The following RSF1 variants were observed in gnomAD, a reference collection of about 807,000 sequenced individuals.
The protein encoded by RSF1 is HBV pX-associated protein 8.
A neutral mutation model predicts 145.2 loss-of-function variants in RSF1; 13 were observed. The ratio of observed to expected loss-of-function variants is 0.09; its 90% CI spans 0.06 to 0.14. The LOEUF (loss-of-function observed/expected upper bound fraction) is 0.14, where lower values mean the gene tolerates loss of function less well. Ranked by LOEUF, RSF1 falls within the 10% of genes least tolerant of loss-of-function variation. The pLI is 1.00. For synonymous variants in RSF1, 577 were observed against 592.6 expected (o/e 0.97, Z 0.38); for missense variants, 1,517 against 1,718.2 (o/e 0.88, Z 2.07).
At chr11:77,692,834 C>T (rs567285842) in intron 8 of RSF1, among the ~76,000 whole-genome samples, 4 of 151,926 alleles carry the variant, frequency 2.6e-5, no homozygotes, top group Non-Finnish European at 5.9e-5. Context: ...TGTGCCACCA[C>T]GCCCAGATAA....
chr11:77,856,336 C>T, the RSF1 span, among the ~76,000 whole-genome samples: 5 of 152,194 alleles, frequency 3.3e-5, no homozygotes, highest in African/African-American at 1.2e-4. Context: ...TGGTCACAAC[C>T]ATTCAACAGG....
chr11:77,769,991 G>A (rs554339131), intron 1 of RSF1, among the ~76,000 whole-genome samples: 1 of 152,226 alleles, frequency 6.6e-6, no homozygotes, highest in East Asian at 1.9e-4. Flanking sequence ...CTCTCTTGGG[G>A]GAGCAGTTTT....
Position 77,754,773 on chromosome 11 carries a change from C to T in RSF1, c.280-7645G>A, listed in dbSNP as rs576046540. 3.2e-4 allele frequency among the ~76,000 whole-genome samples: 48 copies of T among 152,032 alleles called. No homozygotes were observed. The South Asian group carries it at 7.5e-3, about 24-fold the overall frequency. ...AAAGAAAACCCCCAAAAAACAAAAA[C>T]TAAAACTAACAGAATTAGCCAGGTA... On this transcript the variant is annotated intron_variant, in intron 2 of 15. Transcript: ENST00000308488.
chr11:77,864,372 G>A, the RSF1 span, among the ~76,000 whole-genome samples: 7 of 151,488 alleles, frequency 4.6e-5, no homozygotes, highest in South Asian at 2.1e-4. Flanking sequence ...CCCGGGAGTC[G>A]GAGGTTGCAG....
the RSF1 span, chr11:77,868,674 TTTGTTGTTG>T: frequency 5.9e-6 from 1 of 170,350 alleles, no homozygotes; most frequent in Admixed American, 6.1e-5. Flanking sequence ...TCCAGAGGTT[TTTGTTGTTG>T]TTGTTGTTGT....
At chr11:77,821,389 TA>T (rs562399833), upstream of RSF1, 432 of 153,676 alleles carry the variant, frequency 2.8e-3, 5 homozygotes, top group Admixed American at 3.7e-3. Context: ...TGCCCTTAAT[TA>T]GGGGCTGGGC....
chr11:77,777,281 A>G (rs1235195031), intron 1 of RSF1, among the ~76,000 whole-genome samples: 2 of 152,222 alleles, frequency 1.3e-5, no homozygotes, highest in African/African-American at 4.8e-5. Context: ...CCATATCATT[A>G]TTACCACATT....
intron 1 of RSF1, among the ~76,000 whole-genome samples, chr11:77,792,603 A>C (rs960760469): frequency 6.6e-6 from 1 of 152,206 alleles, no homozygotes; most frequent in African/African-American, 2.4e-5. Context: ...CTAAGCTGTC[A>C]AGGACAAAAC....
chr11:77,842,294 G>A, the RSF1 span, among the ~76,000 whole-genome samples: 1 of 152,060 alleles, frequency 6.6e-6, no homozygotes, highest in Non-Finnish European at 1.5e-5. Context: ...TGGTTTCTAT[G>A]GTTGGATGAT....
chr11:77,851,541 A>AT, the RSF1 span: 4 of 152,052 alleles, frequency 2.6e-5, no homozygotes, highest in African/African-American at 7.2e-5. Context: ...TTGAAATGTA[A>AT]TCCCCAATGT....
At position 77,660,036 on chromosome 11, in the gene RSF1, T is replaced by C. The variant is rs930357548; in HGVS notation, c.*6881A>G. On this transcript the variant is annotated 3_prime_UTR_variant, in exon 16 of 16. Coordinates refer to ENST00000308488, the MANE Select transcript of RSF1 (RefSeq NM_016578.4). ...CAAATTTAAATTTTTATTATGACAA[T>C]TGACATATTAAGTGAAAGAAATGAC... 1 of 152,156 alleles carries C rather than the reference T, an allele frequency of 6.6e-6. No individual in the cohort carries two copies. Among genetic ancestry groups the C allele is most frequent in the African/African-American group, 2.4e-5 (1 of 41,444 alleles). The allele number at this position is 152,156 out of a possible 1,614,324, so 9.4% of individuals were successfully genotyped here. A position where few individuals can be genotyped will look rare whatever the true frequency, so the allele number is the denominator to read the frequency against.
intron 9 of RSF1, among the ~76,000 whole-genome samples, chr11:77,689,122 T>C (rs1451667269): frequency 6.6e-6 from 1 of 152,194 alleles, no homozygotes; most frequent in Admixed American, 6.5e-5. Context: ...TAAACGGGCA[T>C]CAAGTCCTAT....
At chr11:77,759,917 A>G (rs1948155075) in intron 2 of RSF1, among the ~76,000 whole-genome samples, 1 of 151,428 alleles carries the variant, frequency 6.6e-6, no homozygotes, top group Admixed American at 6.6e-5. Context: ...GTTATCTATT[A>G]TCATTATTAT....
At chr11:77,689,944 A>G (rs1345160116) in intron 9 of RSF1, among the ~76,000 whole-genome samples, 1 of 152,092 alleles carries the variant, frequency 6.6e-6, no homozygotes, top group African/African-American at 2.4e-5. Flanking sequence ...CGGGTGAATC[A>G]CAAGGTCAGC....
the RSF1 span, among the ~76,000 whole-genome samples, chr11:77,835,620 G>T: frequency 6.6e-6 from 1 of 152,108 alleles, no homozygotes; most frequent in Non-Finnish European, 1.5e-5. Context: ...TTTAATAGTT[G>T]TTGAGTCTAA....
chr11:77,695,086 C>T (rs1259902859), intron 7 of RSF1, among the ~76,000 whole-genome samples: 4 of 152,152 alleles, frequency 2.6e-5, no homozygotes, highest in African/African-American at 7.2e-5. Flanking sequence ...CTAAGGTCAC[C>T]TTCCGTACTC....
At chr11:77,826,930 C>T in the RSF1 span, among the ~76,000 whole-genome samples, 341 of 152,204 alleles carry the variant, frequency 2.2e-3, no homozygotes, top group African/African-American at 7.4e-3. Context: ...CATAGTGAAA[C>T]ACCATCTCTA....
At chr11:77,849,641 G>C in the RSF1 span, among the ~76,000 whole-genome samples, 3 of 151,984 alleles carry the variant, frequency 2.0e-5, no homozygotes, top group Admixed American at 2.0e-4. Flanking sequence ...CTGTTTTTTT[G>C]TGTGTTTTTT....
At chr11:77,680,330 T>C (rs1035090148) in intron 11 of RSF1, among the ~76,000 whole-genome samples, 1 of 151,896 alleles carries the variant, frequency 6.6e-6, no homozygotes, top group African/African-American at 2.4e-5. Flanking sequence ...GTCCTAGCAC[T>C]CTGGGAAGCT....
Sources: gnomAD v4.1 joint callset for allele counts (sites outside exome capture counted in the v4.1 genomes callset) on GRCh38, gnomAD v4.1.1 for gene constraint, MANE v1.5 for transcripts, NCBI Gene and HGNC (gene_info 2026-07-23, HGNC 2026-07-21) for gene names.